ZFYVE26: variants seen among roughly 807,000 people sequenced by gnomAD.
ZFYVE26 encodes zinc finger FYVE domain-containing protein 26.
In ZFYVE26, 181 loss-of-function variants were observed where a neutral mutation model predicts 276.5. That is an observed-to-expected ratio of 0.65 (90% CI 0.58 to 0.74). The LOEUF (loss-of-function observed/expected upper bound fraction) is 0.74, where lower values mean the gene tolerates loss of function less well. Among genes scored for constraint, ZFYVE26 ranks in the 30% least tolerant of loss-of-function variants. The probability of loss-of-function intolerance (pLI) is 0.00; values close to 1 mark genes in which losing one functional copy is unlikely to be tolerated. For synonymous variants in ZFYVE26, 1,129 were observed against 1,203.1 expected, an observed-to-expected ratio of 0.94 and a Z score of 1.27; for missense variants, 2,821 against 3,097.9, an observed-to-expected ratio of 0.91 and a Z score of 2.12.
At chr14:67,792,188 C>T (rs2039831893) in intron 14 of ZFYVE26, among the ~76,000 whole-genome samples, 1 of 151,994 alleles carries the variant, frequency 6.6e-6, no homozygotes, top group Non-Finnish European at 1.5e-5. Flanking sequence ...TAAAAATTGT[C>T]CTGTTACCTA....
At chr14:67,766,786 G>C (rs530480920) in intron 31 of ZFYVE26, among the ~76,000 whole-genome samples, 1 of 152,004 alleles carries the variant, frequency 6.6e-6, no homozygotes, top group African/African-American at 2.4e-5. Context: ...TGCAACCTCT[G>C]CCTCCCAGGC....
intron 32 of ZFYVE26, 71 bp from the exon 33 acceptor site, chr14:67,762,890 C>G: frequency 6.3e-7 from 1 of 1,590,674 alleles, no homozygotes; most frequent in South Asian, 1.1e-5. Context: ...TTAAAGGTTT[C>G]CTATTCCATT....
intron 5 of ZFYVE26, 123 bp from the exon 6 acceptor site, chr14:67,806,798 T>C (rs189205013): frequency 2.6e-6 from 3 of 1,157,800 alleles, no homozygotes; most frequent in East Asian, 2.4e-5. Context: ...GGGTTTTCCA[T>C]ACTTTATCTT....
intron 20 of ZFYVE26, 77 bp from the exon 21 acceptor site, chr14:67,783,602 CT>C: frequency 6.4e-7 from 1 of 1,563,300 alleles, no homozygotes; most frequent in Non-Finnish European, 8.7e-7. Flanking sequence ...TTTCTTTATG[CT>C]TACATGAGCA....
rs368644790 is a variant in ZFYVE26, at chr14:67,800,988, C to T, written c.1639+1091G>A. Among the ~76,000 whole-genome samples, 8 of 152,084 alleles carry T rather than the reference C, an allele frequency of 5.3e-5. No individual in the cohort carries two copies. The East Asian group carries it at 1.4e-3, about 26-fold the overall frequency. ...GTACAGCTGGCCATGGGCAGTGGCT[C>T]ATGCCTATAATCCCAGCACTTTGGG... is the stretch of plus-strand genomic sequence containing the variant. On this transcript the variant is annotated intron_variant, in intron 10 of 41. Transcript: ENST00000347230.
chr14:67,788,089 G>A lies in ZFYVE26; in HGVS notation c.3019+1246C>T, dbSNP rs200508899. Among the ~76,000 whole-genome samples, 984 of 149,956 alleles carry A rather than the reference G, an allele frequency of 6.6e-3. 14 individuals are homozygous for A. The highest frequency in any genetic ancestry group is 0.023 in the African/African-American group (951 of 40,788). On this transcript the variant is annotated intron_variant, in intron 16 of 41. Transcript: ENST00000347230. ...GAGGGTGTTTTTGTCACCAGTCCTC[G>A]AAAAAAAAAAACCGTGGGTGGTTGG...
Position 67,798,404 on chromosome 14 carries a change from G to A in ZFYVE26, c.1858C>T (p.Pro620Ser), listed in dbSNP as rs1213372212. 1 of 1,613,208 alleles carries A rather than the reference G, an allele frequency of 6.2e-7. No individual in the cohort carries two copies. The highest frequency in any genetic ancestry group is 1.7e-5 in the Admixed American group (1 of 59,960). Residue 620 changes from proline (P) to serine (S), a missense_variant, in exon 11 of 42, where the codon CCT becomes TCT. Physicochemically the swap from Pro to Ser is moderately conservative, Grantham distance 74. Coordinates refer to ENST00000347230, the MANE Select transcript of ZFYVE26 (RefSeq NM_015346.4). ...CTTTCAGGATGTGCTATGTGCTGAG[G>A]GCTCTCTGATGGGGACCTCAAACCT... ...PSGLRSPSES[P>S]QHIAHPERKS...
In ZFYVE26 at chr14:67,768,825, C is replaced by T. The variant is rs58193384; in HGVS notation, c.5622-277G>A. The stretch of plus-strand genomic sequence containing the variant: ...AGTATGGTGTGTCTTCCTTCCTATG[C>T]GATCAGTAATCATTATGGTAAATAA... On this transcript the variant is annotated intron_variant, in intron 29 of 41. Coordinates refer to ENST00000347230, the MANE Select transcript of ZFYVE26 (RefSeq NM_015346.4). Among the ~76,000 whole-genome samples the T allele has an allele frequency of 0.12, 18,379 of 152,074 alleles. 1,216 individuals carry two copies. Among genetic ancestry groups the T allele is most frequent in the Middle Eastern group, 0.23 (68 of 294 alleles).
At chr14:67,803,634 C>T (rs60559852) in intron 9 of ZFYVE26, among the ~76,000 whole-genome samples, 3,210 of 151,546 alleles carry the variant, frequency 0.021, 130 homozygotes, top group African/African-American at 0.073. Flanking sequence ...TGAGACACTG[C>T]GCCCAGCCCA....
chr14:67,729,418 T>G, exon 14 of ZFYVE26: 2 of 1,576,642 alleles, frequency 1.3e-6, no homozygotes, highest in South Asian at 1.1e-5. Context: ...ACCACCTGTG[T>G]GCATGGGAGG....
At position 67,781,355 on chromosome 14, in the gene ZFYVE26, G is replaced by A. The variant is rs768593489; in HGVS notation, c.4547C>T (p.Ala1516Val). 27 of 1,613,966 alleles carry A rather than the reference G, an allele frequency of 1.7e-5. No individual in the cohort carries two copies. The highest frequency in any genetic ancestry group is 1.7e-4 in the Admixed American group (10 of 59,982). ...GLKCELQRKL[A>V]ELQVYQKILG... ...TACCTTCTGATACACCTGCAGCTCC[G>A]CCAGCTTCCTCTGTAGCTCACACTT... The change falls in exon 22 of 42, where the codon GCG (alanine) becomes GTG (valine). Residue 1516 changes from alanine to valine, a missense_variant. Physicochemically the swap from Ala to Val is moderately conservative, Grantham distance 64. Transcript: ENST00000347230.
In ZFYVE26 at chr14:67,756,164, A is replaced by G. The variant is rs2038774606; in HGVS notation, c.6589-19T>C. The G allele has an allele frequency of 6.2e-7, 1 of 1,613,516 alleles. No homozygotes were observed. Among genetic ancestry groups the G allele is most frequent in the Non-Finnish European group, 8.5e-7 (1 of 1,179,570 alleles). Reference sequence around the variant, plus strand: ...GACTCTCCTGGAGCAGGGCAGGGCGAGAAGTCAGAAGTCTTGAGCCTGGTT... The same window carrying G: ...GACTCTCCTGGAGCAGGGCAGGGCGGGAAGTCAGAAGTCTTGAGCCTGGTT... On this transcript the variant is annotated intron_variant, in intron 35 of 41. Coordinates refer to ENST00000347230, the MANE Select transcript of ZFYVE26 (RefSeq NM_015346.4).
intron 24 of ZFYVE26, 116 bp from the exon 25 acceptor site, chr14:67,777,851 T>A: frequency 7.3e-7 from 1 of 1,361,284 alleles, no homozygotes; most frequent in Non-Finnish European, 1.0e-6. Context: ...ACCCTTTCTC[T>A]ATACTCCTTT....
chr14:67,816,128 A>T, intron 1 of ZFYVE26, 82 bp from the exon 2 acceptor site: 1 of 595,762 alleles, frequency 1.7e-6, no homozygotes, highest in Non-Finnish European at 2.9e-6. Flanking sequence ...CGCCTGGGAA[A>T]GGCGGGACTT....
At chr14:67,773,551 G>GCACACACACACA (rs200418943) in intron 27 of ZFYVE26, among the ~76,000 whole-genome samples, 4,919 of 125,766 alleles carry the variant, frequency 0.039, 202 homozygotes, top group East Asian at 0.077. Flanking sequence ...AAAAAAAAAG[G>GCACACACACACA]CGCACACACA....
At chr14:67,808,165 G>A (rs1375454493) in intron 4 of ZFYVE26, among the ~76,000 whole-genome samples, 1 of 152,128 alleles carries the variant, frequency 6.6e-6, no homozygotes, top group African/African-American at 2.4e-5. Flanking sequence ...ATGAGGAGTT[G>A]GAGGCTGGAA....
intron 21 of ZFYVE26, 27 bp from the exon 22 acceptor site, chr14:67,781,556 G>A (rs2039500942): frequency 6.2e-7 from 1 of 1,610,780 alleles, no homozygotes; most frequent in African/African-American, 1.3e-5. Context: ...ATGCTCAGAG[G>A]CAGCAAGCGT....
At chr14:67,730,992 G>A (rs1802366701) in intron 13 of ZFYVE26, among the ~76,000 whole-genome samples, 1 of 152,040 alleles carries the variant, frequency 6.6e-6, no homozygotes, top group Non-Finnish European at 1.5e-5. Context: ...TGAGATAAAA[G>A]ATATCTCATT....
chr14:67,798,450 G>A lies in ZFYVE26; in HGVS notation c.1812C>T (p.Asp604=), dbSNP rs1784217528. Residue 604 remains aspartate, a synonymous_variant, in exon 11 of 42, where the codon GAC becomes GAT. Coordinates refer to ENST00000347230, the MANE Select transcript of ZFYVE26 (RefSeq NM_015346.4). The part of the protein sequence containing the change: ...HLPEDYAEDD[D]IEGKSPSGLR... ...AACCTGAGGGGCTCTTCCCCTCAAT[G>A]TCATCATCCTCAGCATAGTCCTCAG... 3 of 1,614,164 alleles carry A rather than the reference G, an allele frequency of 1.9e-6. No homozygotes were observed. Among genetic ancestry groups the A allele is most frequent in the Non-Finnish European group, 2.5e-6 (3 of 1,180,028 alleles).
Sources: allele counts gnomAD v4.1 joint callset (sites outside exome capture counted in the v4.1 genomes callset), GRCh38; gene constraint gnomAD v4.1.1; transcripts MANE v1.5; gene names NCBI Gene and HGNC (gene_info 2026-07-23, HGNC 2026-07-21).